Variants in LCOR observed in about 807,000 individuals in gnomAD.
The protein encoded by LCOR is ligand-dependent corepressor.
In LCOR, 14 loss-of-function variants were observed where a neutral mutation model predicts 64.4. The ratio of observed to expected loss-of-function variants is 0.22; its 90% confidence interval spans 0.14 to 0.34. The LOEUF is 0.34. LCOR is among the 10% of genes least tolerant of loss of function. LCOR has a pLI of 1.00. For missense variants in LCOR, 1,686 were observed against 1,765.3 expected, an observed-to-expected ratio of 0.96 and a Z score of 0.80; for synonymous variants, 643 against 642.5, an observed-to-expected ratio of 1.00 and a Z score of -0.01.
At chr10:96,971,493 G>A (rs545519113) in intron 7 of LCOR, among the ~76,000 whole-genome samples, 5 of 152,104 alleles carry the variant, frequency 3.3e-5, no homozygotes, top group Non-Finnish European at 5.9e-5. Flanking sequence ...TGGAGAAGAC[G>A]GTTAGGTCAA....
At chr10:96,961,416 CTTGAACTGTCA>C (rs976220068) in intron 7 of LCOR, 2 of 151,988 alleles carry the variant, frequency 1.3e-5, no homozygotes, top group African/African-American at 4.8e-5. Flanking sequence ...TTTACCCCAT[CTTGAACTGTCA>C]TTGAACATGC....
At chr10:96,884,558 C>T (rs1049311140) in intron 2 of LCOR, among the ~76,000 whole-genome samples, 4 of 152,152 alleles carry the variant, frequency 2.6e-5, no homozygotes. Flanking sequence ...CAGCACTTCT[C>T]AAACTTCAGT....
intron 2 of LCOR, among the ~76,000 whole-genome samples, chr10:96,833,906 G>C (rs558512461): frequency 1.3e-5 from 2 of 152,248 alleles, no homozygotes; most frequent in South Asian, 4.1e-4. Context: ...ATATCTGTTG[G>C]GGGGAAGGGT....
chr10:96,842,904 T>TTGGCTC (rs1427100263), intron 2 of LCOR, among the ~76,000 whole-genome samples: 83 of 152,344 alleles, frequency 5.4e-4, no homozygotes, highest in African/African-American at 1.9e-3. Flanking sequence ...TTGCTGGGAT[T>TTGGCTC]ACAGGTGTGA....
rs781146560 is a variant in LCOR at position 96,982,840 on chromosome 10, G to T, written c.2380G>T (p.Asp794Tyr). The T allele has an allele frequency of 1.7e-5, 28 of 1,613,982 alleles. No homozygotes were observed. Among genetic ancestry groups the T allele is most frequent in the Non-Finnish European group, 1.9e-5 (22 of 1,180,050 alleles). ...AAAAGACACGTATGATACAAGCATT[G>T]ACTCACTCGAAGAGAATTTGGACAA... ...SEKDTYDTSIDSLEENLDKKK... is the reference protein window; with the variant it reads ...SEKDTYDTSIYSLEENLDKKK... The change falls in exon 8 of 8, where the codon GAC becomes TAC. Residue 794 changes from aspartate (D) to tyrosine (Y), a missense_variant. Asp to Tyr is a radical substitution (Grantham distance 160). Around this residue, in one of 3 missense-constraint regions of LCOR, gnomAD observed 1,293 missense variants for 1,410.4 expected, o/e 0.92. Transcript: ENST00000421806.
At chr10:96,949,815 A>G (rs1847647482) in intron 6 of LCOR, among the ~76,000 whole-genome samples, 1 of 152,204 alleles carries the variant, frequency 6.6e-6, no homozygotes, top group Non-Finnish European at 1.5e-5. Flanking sequence ...GTTGTTAAAT[A>G]TATTCAATGT....
intron 7 of LCOR, among the ~76,000 whole-genome samples, chr10:96,970,766 T>A (rs892956638): frequency 6.6e-6 from 1 of 151,838 alleles, no homozygotes; most frequent in Non-Finnish European, 1.5e-5. Context: ...TTCAAGTGAT[T>A]CTTGTGCCTC....
Position 96,938,117 on chromosome 10 carries a change from TTAA to T in LCOR, c.-183-5991_-183-5989del, listed in dbSNP as rs1036142905. On this transcript the variant is annotated intron_variant, in intron 4 of 7. Transcript: ENST00000421806. Reference sequence around the variant, plus strand: ...AGATGTGCACCACCATGCCCAGCTGTTAATAATTTTTTAACTGATTTGTAGAGA... The same window carrying T: ...AGATGTGCACCACCATGCCCAGCTGTTAATTTTTTAACTGATTTGTAGAGA... 2.7e-3 allele frequency among the ~76,000 whole-genome samples: 412 copies of T among 151,840 alleles called. 2 individuals carry two copies. Among genetic ancestry groups the T allele is most frequent in the African/African-American group, 9.3e-3 (386 of 41,404 alleles).
At chr10:96,855,194 A>T (rs370803844) in intron 2 of LCOR, among the ~76,000 whole-genome samples, 1 of 152,170 alleles carries the variant, frequency 6.6e-6, no homozygotes, top group Non-Finnish European at 1.5e-5. Context: ...AATAGCCTAA[A>T]GTGGGAAGCA....
At chr10:96,860,258 T>G (rs1276887062) in intron 2 of LCOR, among the ~76,000 whole-genome samples, 1 of 152,180 alleles carries the variant, frequency 6.6e-6, no homozygotes, top group Non-Finnish European at 1.5e-5. Context: ...AGCTTATTTA[T>G]ACATAAGGTC....
rs2134568655 is a variant in LCOR, at chr10:96,985,927, C to G, written c.*793C>G. 1 of 167,104 alleles carries G rather than the reference C, an allele frequency of 6.0e-6. No individual in the cohort carries two copies. The highest frequency in any genetic ancestry group is 2.1e-4 in the South Asian group (1 of 4,828). 10.4% of individuals were successfully genotyped at this position (167,104 alleles called of 1,614,324 possible). A position where few individuals can be genotyped will look rare whatever the true frequency, so the allele number is the denominator to read the frequency against. The stretch of plus-strand genomic sequence containing the variant: ...ACCATCTTCTTCATTTCTGGTCTTG[C>G]TAGCACTCCTGCAAGGCTTCCATCC... On this transcript the variant is annotated 3_prime_UTR_variant, in exon 8 of 8. Transcript: ENST00000421806.
rs1220055452 is a variant in LCOR, at chr10:96,956,026, T to G, written c.332+3830T>G. 3 of 1,492,292 alleles carry G rather than the reference T, an allele frequency of 2.0e-6. No individual in the cohort carries two copies. In the African/African-American group the frequency reaches 4.3e-5, roughly 21 times the overall value. 92.4% of individuals were successfully genotyped at this position (1,492,292 alleles called of 1,614,324 possible). On this transcript the variant is annotated intron_variant, in intron 7 of 7. Coordinates refer to ENST00000421806, the MANE Select transcript of LCOR (RefSeq NM_001346516.2). ...TAATTTCATTTACTGTGACACTTGC[T>G]TCTTTGCAGATTTTGCATTGACTTG...
In LCOR at chr10:96,982,962, G is replaced by C. The variant is rs1848106907; in HGVS notation, c.2502G>C (p.Gln834His). Residue 834 changes from glutamine (Q) to histidine (H), a missense_variant, in exon 8 of 8, where the codon CAG becomes CAC. Transcript: ENST00000421806. ...SSSADRCLRNQSSDSSSACLE... is the reference protein window; with the variant it reads ...SSSADRCLRNHSSDSSSACLE... ...CTGCTGACAGATGCCTAAGAAATCA[G>C]AGTTCAGATTCTTCCTCAGCTTGTC... 11 of 1,613,068 alleles carry C rather than the reference G, an allele frequency of 6.8e-6. No homozygotes were observed. The highest frequency in any genetic ancestry group is 8.5e-6 in the Non-Finnish European group (10 of 1,179,722).
chr10:96,980,645 G>A (rs867471241), intron 7 of LCOR, 148 bp from the exon 8 acceptor site: 37 of 562,012 alleles, frequency 6.6e-5, no homozygotes, highest in African/African-American at 5.1e-4. Context: ...CCAGGAGTTC[G>A]AGATCAGCCT....
At chr10:96,904,425 G>C (rs1431395722) in intron 2 of LCOR, among the ~76,000 whole-genome samples, 2 of 152,102 alleles carry the variant, frequency 1.3e-5, no homozygotes, top group Non-Finnish European at 2.9e-5. Context: ...TTTGATTGCC[G>C]AATTTGGAAT....
intron 7 of LCOR, 48 bp downstream of exon 7, chr10:96,952,244 A>C: frequency 7.6e-7 from 1 of 1,318,482 alleles, no homozygotes. Flanking sequence ...TAGATAATTC[A>C]TCAAAGGTTG....
intron 4 of LCOR, among the ~76,000 whole-genome samples, chr10:96,917,506 A>G (rs1846974814): frequency 6.6e-6 from 1 of 152,224 alleles, no homozygotes; most frequent in Admixed American, 6.5e-5. Context: ...ATACAAGAAA[A>G]TATAAGTACT....
Position 96,920,498 on chromosome 10 carries a change from G to A in LCOR, c.-184+12751G>A, listed in dbSNP as rs1443556248. Among the ~76,000 whole-genome samples the A allele has an allele frequency of 4.1e-5, 4 of 96,570 alleles. No individual in the cohort carries two copies. The East Asian group carries it at 1.2e-3, about 28-fold the overall frequency. 63.4% of individuals were successfully genotyped at this position (96,570 alleles called of 152,430 possible). On this transcript the variant is annotated intron_variant, in intron 4 of 7. Coordinates refer to ENST00000421806, the MANE Select transcript of LCOR (RefSeq NM_001346516.2). ...TATATATGTATATTCATATATATGT[G>A]TATATATGTATGTATATTCAGATAT...
At chr10:96,975,881 G>C (rs748430223) in intron 7 of LCOR, among the ~76,000 whole-genome samples, 5 of 152,058 alleles carry the variant, frequency 3.3e-5, no homozygotes, top group Admixed American at 6.6e-5. Flanking sequence ...CGGACGTGGT[G>C]GTGGGCGCCT....
Sources: gnomAD v4.1 joint callset for allele counts (sites outside exome capture counted in the v4.1 genomes callset) on GRCh38, gnomAD v4.1.1 for gene constraint, gnomAD v4.1.1 regional missense constraint, MANE v1.5 for transcripts, NCBI Gene and HGNC (gene_info 2026-07-23, HGNC 2026-07-21) for gene names.